Variants in LCT observed in about 807,000 individuals in gnomAD.
The protein encoded by LCT is lactase/phlorizin hydrolase.
In LCT, 90 loss-of-function variants were observed where a neutral mutation model predicts 173.0. That is an observed-to-expected ratio of 0.52 (90% CI 0.44 to 0.62). The LOEUF is 0.62. Among genes scored for constraint, LCT ranks in the 20% least tolerant of loss-of-function variants. The pLI, the probability that LCT is intolerant of heterozygous loss-of-function variation, is 0.00. For synonymous variants in LCT, 853 were observed against 957.6 expected, an observed-to-expected ratio of 0.89 and a Z score of 2.02; for missense variants, 1,864 against 2,431.4, an observed-to-expected ratio of 0.77 and a Z score of 4.91.
chr2:135,791,510 G>A (rs1056713619), intron 14 of LCT, among the ~76,000 whole-genome samples: 1 of 152,156 alleles, frequency 6.6e-6, no homozygotes, highest in African/African-American at 2.4e-5. Context: ...AGTCACATAT[G>A]TCAAATAAGA....
At chr2:135,791,945 T>C (rs545861349) in intron 14 of LCT, among the ~76,000 whole-genome samples, 1 of 152,336 alleles carries the variant, frequency 6.6e-6, no homozygotes, top group East Asian at 1.9e-4. Flanking sequence ...GAGACTCACA[T>C]TGTTAACTGT....
chr2:135,803,761 G>T (rs1575335801), intron 11 of LCT, among the ~76,000 whole-genome samples, 169 bp downstream of exon 11: 1 of 152,240 alleles, frequency 6.6e-6, no homozygotes, highest in African/African-American at 2.4e-5. Flanking sequence ...TGAAATTCAT[G>T]TTTAACAATG....
Position 135,825,888 on chromosome 2 carries a change from G to T in LCT, c.805-1885C>A, listed in dbSNP as rs957540332. Among the ~76,000 whole-genome samples, 3 of 152,160 alleles carry T rather than the reference G, an allele frequency of 2.0e-5. No homozygotes were observed. The East Asian group carries it at 5.8e-4, about 29-fold the overall frequency. On this transcript the variant is annotated intron_variant, in intron 3 of 16. Coordinates refer to ENST00000264162, the MANE Select transcript of LCT (RefSeq NM_002299.4). ...TGGGGTTCCAGGACAGGGAGGGAGGGGACACTGGGAAGGTGGGCAGCACGA... is the reference window on the plus strand; with the variant it reads ...TGGGGTTCCAGGACAGGGAGGGAGGTGACACTGGGAAGGTGGGCAGCACGA...
intron 4 of LCT, 86 bp from the exon 5 acceptor site, chr2:135,822,184 C>T (rs542614508): frequency 1.8e-4 from 153 of 837,984 alleles, no homozygotes; most frequent in African/African-American, 1.3e-3. Context: ...CTCGCTCATA[C>T]GACACACCCA....
In LCT at chr2:135,809,907, G is replaced by T. The variant is rs374283033; in HGVS notation, c.2440C>A (p.Arg814=). 34 of 1,614,040 alleles carry T rather than the reference G, an allele frequency of 2.1e-5. No homozygotes were observed. Among genetic ancestry groups the T allele is most frequent in the Non-Finnish European group, 2.8e-5 (33 of 1,179,992 alleles). The change falls in exon 8 of 17, where the codon CGG becomes AGG. Residue 814 remains arginine, a synonymous_variant. Coordinates refer to ENST00000264162, the MANE Select transcript of LCT (RefSeq NM_002299.4). The surrounding 1 kb of genome is among the most constrained non-coding windows in gnomAD (Gnocchi z 5.5). ...AAGTTGACGTGGTGCAGGCCAAACC[G>T]CTGGCTGTAACCAGAAGGGCCTTCG... ...GFEGPSGYSQ[R]FGLHHVNFSD...
intron 12 of LCT, among the ~76,000 whole-genome samples, chr2:135,799,889 G>A (rs1472317504): frequency 6.6e-6 from 1 of 152,196 alleles, no homozygotes; most frequent in African/African-American, 2.4e-5. Flanking sequence ...AAATGCCTAG[G>A]CTGGAGCAAA....
intron 6 of LCT, among the ~76,000 whole-genome samples, chr2:135,814,217 G>A (rs776641024): frequency 1.3e-5 from 2 of 152,096 alleles, no homozygotes; most frequent in African/African-American, 2.4e-5. Flanking sequence ...TCACTAAAAC[G>A]CCTGGCTGCT....
chr2:135,832,284 C>T (rs2105557063), intron 2 of LCT, among the ~76,000 whole-genome samples: 1 of 151,180 alleles, frequency 6.6e-6, no homozygotes, highest in Non-Finnish European at 1.5e-5. Context: ...TGTGGTGGCT[C>T]ATGCCTGTAA....
intron 6 of LCT, among the ~76,000 whole-genome samples, chr2:135,815,697 T>C (rs1368793532): frequency 2.0e-5 from 3 of 151,784 alleles, no homozygotes; most frequent in Admixed American, 2.0e-4. Context: ...ATTATTATTA[T>C]TATTATTTTT....
At chr2:135,808,265 CT>C (rs766160875) in intron 8 of LCT, among the ~76,000 whole-genome samples, 177 bp downstream of exon 8, 6 of 152,090 alleles carry the variant, frequency 3.9e-5, no homozygotes, top group African/African-American at 1.4e-4. Flanking sequence ...CAACCATAGC[CT>C]TTTTTCCCCC....
intron 6 of LCT, among the ~76,000 whole-genome samples, chr2:135,813,300 A>T (rs2077751255): frequency 6.6e-6 from 1 of 152,262 alleles, no homozygotes; most frequent in South Asian, 2.1e-4. Context: ...AACGATGTTG[A>T]TGTCAACAAC....
intron 1 of LCT, among the ~76,000 whole-genome samples, chr2:135,833,468 A>G (rs1332375639): frequency 1.6e-5 from 2 of 124,912 alleles, no homozygotes; most frequent in Non-Finnish European, 3.3e-5. Flanking sequence ...TTTTTTTGAG[A>G]CGGAGTCTCG....
In LCT at chr2:135,805,358, T is replaced by C. The variant is rs12622175; in HGVS notation, c.4174-301A>G. On this transcript the variant is annotated intron_variant, in intron 9 of 16. Transcript: ENST00000264162. ...TCCTCTGGGAGCCTGCTCTGGCCCC[T>C]GCTCAGTCTCGGAACTCCCCTGGCT... 0.98 allele frequency among the ~76,000 whole-genome samples: 149,144 copies of C among 152,236 alleles called. 73,109 individuals carry two copies. Among genetic ancestry groups the C allele is most frequent in the East Asian group, 1 (5,180 of 5,180 alleles).
At chr2:135,796,552 C>T (rs905134109) in intron 13 of LCT, among the ~76,000 whole-genome samples, 1 of 152,228 alleles carries the variant, frequency 6.6e-6, no homozygotes, top group Non-Finnish European at 1.5e-5. Context: ...GAATGACCTG[C>T]AATCCCCCAC....
At position 135,809,661 on chromosome 2, in the gene LCT, C is replaced by T; in HGVS notation, c.2686G>A (p.Asp896Asn). The change falls in exon 8 of 17, where the codon GAT becomes AAT. Residue 896 changes from aspartate (D) to asparagine (N), a missense_variant. Transcript: ENST00000264162. The surrounding 1 kb of genome is among the most constrained non-coding windows in gnomAD (Gnocchi z 5.5). ...KFSSQPKFERDLFYHGTFRDD... is the reference protein window; with the variant it reads ...KFSSQPKFERNLFYHGTFRDD... Reference sequence around the variant, plus strand: ...CGAAACGTCCCGTGGTAGAACAAATCTCTTTCGAACTTGGGTTGGCTGGAG... The same window carrying T: ...CGAAACGTCCCGTGGTAGAACAAATTTCTTTCGAACTTGGGTTGGCTGGAG... 1 of 1,614,270 alleles carries T rather than the reference C, an allele frequency of 6.2e-7. No individual in the cohort carries two copies. Among genetic ancestry groups the T allele is most frequent in the Non-Finnish European group, 8.5e-7 (1 of 1,180,048 alleles).
intron 7 of LCT, among the ~76,000 whole-genome samples, chr2:135,811,046 A>AG (rs1558738949): frequency 1.3e-5 from 2 of 151,630 alleles, no homozygotes; most frequent in Non-Finnish European, 2.9e-5. Flanking sequence ...AAAAGAAAAA[A>AG]GAAAAGAAAA....
chr2:135,822,122 A>T (rs374475723), intron 4 of LCT, 24 bp from the exon 5 acceptor site: 36 of 1,382,030 alleles, frequency 2.6e-5, no homozygotes, highest in Admixed American at 1.2e-4. Flanking sequence ...AATTGAATTA[A>T]CTCTATGTAA....
chr2:135,821,977 C>G, intron 5 of LCT, 43 bp downstream of exon 5: 1 of 1,103,420 alleles, frequency 9.1e-7, no homozygotes, highest in Non-Finnish European at 1.4e-6. Flanking sequence ...GAGTATTCTA[C>G]AAATATCAGT....
chr2:135,808,488 C>T lies in LCT; in HGVS notation c.3859G>A (p.Asp1287Asn). 6.2e-7 allele frequency: 1 copy of T among 1,614,170 alleles called. No individual in the cohort carries two copies. Among genetic ancestry groups the T allele is most frequent in the Non-Finnish European group, 8.5e-7 (1 of 1,180,010 alleles). The change falls in exon 8 of 17, where the codon GAT becomes AAT. Residue 1287 changes from aspartate (D) to asparagine (N), a missense_variant. Physicochemically the swap from Asp to Asn is conservative, Grantham distance 23 (BLOSUM62 1). This residue lies in a region of LCT where 755 missense variants were observed against 926.3 expected (regional missense o/e 0.82). Coordinates refer to ENST00000264162, the MANE Select transcript of LCT (RefSeq NM_002299.4). ...TAGGTTTTGTGGTAAAATATCCTATCAGTATCCTCCGTGTTCGGATTGGTC... is the reference window on the plus strand; with the variant it reads ...TAGGTTTTGTGGTAAAATATCCTATTAGTATCCTCCGTGTTCGGATTGGTC... ...GLTNPNTEDTDRIFYHKTYIN... is the reference protein window; with the variant it reads ...GLTNPNTEDTNRIFYHKTYIN...
Sources: gnomAD v4.1 joint callset for allele counts (sites outside exome capture counted in the v4.1 genomes callset) on GRCh38, gnomAD v4.1.1 for gene constraint, gnomAD v4.1.1 regional missense constraint, Gnocchi (gnomAD v3.1) non-coding constraint, MANE v1.5 for transcripts, NCBI Gene and HGNC (gene_info 2026-07-23, HGNC 2026-07-21) for gene names.